Variants in EIF3A observed in about 807,000 individuals in gnomAD.
EIF3A encodes EIF3, p180 subunit.
EIF3A carries 21 observed loss-of-function variants against 186.6 expected under a neutral mutation model. The observed-to-expected ratio is 0.11, with a 90% CI of 0.08 to 0.16. The LOEUF is 0.16. EIF3A is among the 10% of genes least tolerant of loss of function. The pLI is 1.00. For synonymous variants in EIF3A, 563 were observed against 584.3 expected (o/e 0.96, Z 0.52); for missense variants, 1,306 against 1,796.3 (o/e 0.73, Z 4.93).
chr10:119,058,874 C>G (rs561452845), intron 11 of EIF3A, among the ~76,000 whole-genome samples: 1 of 152,012 alleles, frequency 6.6e-6, no homozygotes, highest in Non-Finnish European at 1.5e-5. Flanking sequence ...GAGTGAGACT[C>G]CATCTCAAAA....
intron 1 of EIF3A, chr10:119,080,246 G>A: frequency 1.1e-6 from 1 of 922,364 alleles, no homozygotes; most frequent in Non-Finnish European, 1.3e-6. Flanking sequence ...GGCACTCCCA[G>A]ATGGCGGCCG....
rs187518847 is a variant in EIF3A, at chr10:119,075,995, G to T, written c.50-2058C>A. The stretch of plus-strand genomic sequence containing the variant: ...CCCACCTCGGCCTCCCAAAGTGCTG[G>T]GGATACAGGCGTGAGCCACCGCACC... On this transcript the variant is annotated intron_variant, in intron 1 of 21. Transcript: ENST00000369144. 5.1e-3 allele frequency among the ~76,000 whole-genome samples: 745 copies of T among 145,106 alleles called. 5 individuals are homozygous for T. Among genetic ancestry groups the T allele is most frequent in the African/African-American group, 0.018 (707 of 39,456 alleles).
At chr10:119,052,368 T>TTGTGTGTGTGTGTGTGTGTGTG (rs61029991) in intron 14 of EIF3A, among the ~76,000 whole-genome samples, 1,526 of 123,000 alleles carry the variant, frequency 0.012, 71 homozygotes, top group East Asian at 0.026. Flanking sequence ...TTTTTTGGTT[T>TTGTGTGTGTGTGTGTGTGTGTG]TGTGTGTGTG....
chr10:119,044,439 A>G (rs571506052), intron 17 of EIF3A, among the ~76,000 whole-genome samples: 2 of 152,322 alleles, frequency 1.3e-5, no homozygotes, highest in South Asian at 4.1e-4. Flanking sequence ...GAAGAATGTG[A>G]AAAAAGCCAC....
intron 19 of EIF3A, among the ~76,000 whole-genome samples, chr10:119,039,900 A>G (rs1019946413): frequency 1.4e-4 from 22 of 152,240 alleles, no homozygotes; most frequent in African/African-American, 4.6e-4. Flanking sequence ...TATCATGACT[A>G]GAAGCTTACA....
chr10:119,080,775 T>C lies in EIF3A; in HGVS notation c.-99A>G. 1.4e-6 allele frequency: 2 copies of C among 1,457,990 alleles called. No homozygotes were observed. The highest frequency in any genetic ancestry group is 2.7e-5 in the South Asian group (2 of 74,884). The allele number at this position is 1,457,990 out of a possible 1,614,324, so 90.3% of individuals were successfully genotyped here. A position where few individuals can be genotyped will look rare whatever the true frequency, so the allele number is the denominator to read the frequency against. On this transcript the variant is annotated 5_prime_UTR_variant, in exon 1 of 22. Transcript: ENST00000369144. ...GAACCAGCGTAAGGTCCCACGCGCCTCGCCAGCAGTCGCCCGCGCCCAGCC... is the reference window on the plus strand; with the variant it reads ...GAACCAGCGTAAGGTCCCACGCGCCCCGCCAGCAGTCGCCCGCGCCCAGCC...
At chr10:119,045,865 C>G (rs910767425) in intron 17 of EIF3A, among the ~76,000 whole-genome samples, 5 of 152,150 alleles carry the variant, frequency 3.3e-5, no homozygotes, top group African/African-American at 1.2e-4. Context: ...ATGTGCCCGG[C>G]CCAGCAGATC....
chr10:119,047,530 A>T (rs1027927985), intron 17 of EIF3A, among the ~76,000 whole-genome samples: 7 of 152,186 alleles, frequency 4.6e-5, no homozygotes, highest in African/African-American at 1.4e-4. Flanking sequence ...GGACAGACAC[A>T]TTTGCAAATG....
rs531760522 is a variant in EIF3A at position 119,050,804 on chromosome 10, A to G, written c.2320-130T>C. 870 of 979,714 alleles carry G rather than the reference A, an allele frequency of 8.9e-4. 2 individuals carry two copies. Among genetic ancestry groups the G allele is most frequent in the Non-Finnish European group, 1.2e-3 (828 of 670,246 alleles). 60.7% of individuals were successfully genotyped at this position (979,714 alleles called of 1,614,324 possible). A position where few individuals can be genotyped will look rare whatever the true frequency, so the allele number is the denominator to read the frequency against. On this transcript the variant is annotated intron_variant, in intron 15 of 21. Coordinates refer to ENST00000369144, the MANE Select transcript of EIF3A (RefSeq NM_003750.4). The stretch of plus-strand genomic sequence containing the variant: ...TCATCGAAAGCAACCTCTCAGCACA[A>G]AAACTCTAACTTCCAAATGACCATT...
chr10:119,050,757 A>G, intron 15 of EIF3A, 83 bp from the exon 16 acceptor site: 1 of 1,438,590 alleles, frequency 7.0e-7, no homozygotes, highest in Non-Finnish European at 9.7e-7. Flanking sequence ...AGGTTTACAA[A>G]AGACTCTCAA....
At chr10:119,041,234 G>A (rs781461045) in intron 19 of EIF3A, among the ~76,000 whole-genome samples, 8 of 152,064 alleles carry the variant, frequency 5.3e-5, no homozygotes, top group South Asian at 2.1e-4. Context: ...AACTGCTCAC[G>A]AATAATAAAG....
intron 9 of EIF3A, 166 bp from the exon 10 acceptor site, chr10:119,059,884 C>T: frequency 3.0e-6 from 2 of 657,998 alleles, no homozygotes; most frequent in South Asian, 3.4e-5. Context: ...CTCTAAACTC[C>T]ATGCTTTGAG....
At chr10:119,072,024 C>CACA (rs1844080650) in intron 4 of EIF3A, among the ~76,000 whole-genome samples, 1 of 59,472 alleles carries the variant, frequency 1.7e-5, no homozygotes, top group African/African-American at 6.0e-5. Context: ...GACTCTGTCT[C>CACA]AAAAAAAAAA....
chr10:119,055,397 A>G (rs1848411531), intron 14 of EIF3A, among the ~76,000 whole-genome samples: 1 of 152,152 alleles, frequency 6.6e-6, no homozygotes, highest in Non-Finnish European at 1.5e-5. Context: ...AACATCAAAG[A>G]TCACTGATCA....
intron 1 of EIF3A, among the ~76,000 whole-genome samples, chr10:119,076,937 C>CAAAAAAAAA (rs71016536): frequency 8.1e-6 from 1 of 123,480 alleles, no homozygotes; most frequent in Non-Finnish European, 1.6e-5. Context: ...GACTCTGTCT[C>CAAAAAAAAA]AAAAAAAAAA....
chr10:119,054,490 A>G (rs4752243), intron 14 of EIF3A, among the ~76,000 whole-genome samples: 128,115 of 150,296 alleles, frequency 0.85, 57,102 homozygotes, highest in Non-Finnish European at 0.97. Context: ...CGAGATGAGC[A>G]GATCACCTGA....
chr10:119,050,476 C>A (rs1848341855), intron 16 of EIF3A, 45 bp downstream of exon 16: 1 of 1,582,800 alleles, frequency 6.3e-7, no homozygotes, highest in Non-Finnish European at 8.6e-7. Context: ...GATCTTAACA[C>A]CAACCTTGCA....
intron 20 of EIF3A, 25 bp from the exon 21 acceptor site, chr10:119,037,334 C>A (rs1166152678): frequency 4.4e-6 from 7 of 1,604,956 alleles, no homozygotes; most frequent in Admixed American, 1.7e-5. Flanking sequence ...AATGACAGGT[C>A]AGGTTCTTAC....
At position 119,037,321 on chromosome 10, in the gene EIF3A, T is replaced by C; in HGVS notation, c.3729-12A>G. The C allele has an allele frequency of 1.2e-6, 2 of 1,612,950 alleles. No homozygotes were observed. The highest frequency in any genetic ancestry group is 1.7e-6 in the Non-Finnish European group (2 of 1,178,984). ...AGCCACCTTCATCCCTGTAGCCATT[T>C]ACAATGACAGGTCAGGTTCTTACTG... On this transcript the variant is annotated splice_polypyrimidine_tract_variant and intron_variant, in intron 20 of 21. Transcript: ENST00000369144.
Sources: gnomAD v4.1 joint callset for allele counts (sites outside exome capture counted in the v4.1 genomes callset) on GRCh38, gnomAD v4.1.1 for gene constraint, MANE v1.5 for transcripts, NCBI Gene and HGNC (gene_info 2026-07-23, HGNC 2026-07-21) for gene names.